Variants in TMEM132B observed in about 807,000 individuals in gnomAD.
TMEM132B encodes transmembrane protein 132B.
TMEM132B carries 18 observed loss-of-function variants against 90.8 expected under a neutral mutation model. That is an observed-to-expected ratio of 0.20 (90% CI 0.14 to 0.29). The LOEUF is 0.29. TMEM132B is among the 10% of genes least tolerant of loss of function. The pLI, the probability that TMEM132B is intolerant of heterozygous loss-of-function variation, is 1.00. For synonymous variants in TMEM132B, 504 were observed against 523.3 expected (o/e 0.96, Z 0.50); for missense variants, 1,096 against 1,326.8 (o/e 0.83, Z 2.70).
chr12:125,463,200 G>GCAAATGGGTTTTCAT (rs1881483926), intron 3 of TMEM132B, among the ~76,000 whole-genome samples: 1 of 152,192 alleles, frequency 6.6e-6, no homozygotes, highest in Non-Finnish European at 1.5e-5. Context: ...TACTTGTGAA[G>GCAAATGGGTTTTCAT]CAAATGGGTT....
At position 125,435,864 on chromosome 12, in the gene TMEM132B, T is replaced by G. The variant is rs543837178; in HGVS notation, c.1106+20187T>G. Reference sequence around the variant, plus strand: ...CAGGAGGAGCTAAATGGAGGGGACCTCTCCTAACCAGGGCAGCAGGGAGGC... The same window carrying G: ...CAGGAGGAGCTAAATGGAGGGGACCGCTCCTAACCAGGGCAGCAGGGAGGC... On this transcript the variant is annotated intron_variant, in intron 3 of 8. Coordinates refer to ENST00000682704, the MANE Select transcript of TMEM132B (RefSeq NM_001366854.1). Among the ~76,000 whole-genome samples the G allele has an allele frequency of 2.6e-5, 4 of 151,210 alleles. No homozygotes were observed. The South Asian group carries it at 6.3e-4, about 24-fold the overall frequency.
chr12:125,334,259 C>T (rs1333166615), intron 1 of TMEM132B, among the ~76,000 whole-genome samples: 2 of 152,214 alleles, frequency 1.3e-5, no homozygotes, highest in Non-Finnish European at 2.9e-5. Context: ...TATTTCATAG[C>T]TCGTGCAAGC....
chr12:125,478,512 A>G (rs975983340), intron 3 of TMEM132B, among the ~76,000 whole-genome samples: 3 of 152,260 alleles, frequency 2.0e-5, no homozygotes, highest in South Asian at 2.1e-4. Flanking sequence ...AAGAAAGGGT[A>G]TCAGTGATTG....
intron 1 of TMEM132B, among the ~76,000 whole-genome samples, chr12:125,216,591 C>T (rs1401060398): frequency 6.6e-6 from 1 of 152,168 alleles, no homozygotes; most frequent in African/African-American, 2.4e-5. Context: ...CTGGCATTGC[C>T]CTTGGAATTA....
rs1404210963 is a variant in TMEM132B, at chr12:125,406,489, A to G, written c.960-9042A>G. 6.6e-6 allele frequency among the ~76,000 whole-genome samples: 1 copy of G among 152,192 alleles called. No individual in the cohort carries two copies. The highest frequency in any genetic ancestry group is 1.5e-5 in the Non-Finnish European group (1 of 68,024). On this transcript the variant is annotated intron_variant, in intron 2 of 8. Coordinates refer to ENST00000682704, the MANE Select transcript of TMEM132B (RefSeq NM_001366854.1). The surrounding 1 kb of genome is among the most constrained non-coding windows in gnomAD (Gnocchi z 8.3). ...ACAGTCTCAGTCTGTGGCCAAAACC[A>G]TCTGAGACTCACTGGTCTGGACTGA...
chr12:125,345,814 C>T lies in TMEM132B; in HGVS notation c.68-3638C>T, dbSNP rs117851696. Among the ~76,000 whole-genome samples the T allele has an allele frequency of 7.7e-3, 1,166 of 152,244 alleles. 6 individuals are homozygous for T. Among genetic ancestry groups the T allele is most frequent in the Non-Finnish European group, 0.013 (884 of 68,002 alleles). ...CCTCGTTCTGTCCAGTGGTAAATAC[C>T]TCTCTAGGAAATCGGCAGACTGAAT... On this transcript the variant is annotated intron_variant, in intron 1 of 8. Transcript: ENST00000682704.
intron 1 of TMEM132B, among the ~76,000 whole-genome samples, chr12:125,305,402 G>A (rs1019331439): frequency 2.0e-5 from 3 of 151,754 alleles, no homozygotes; most frequent in Non-Finnish European, 4.4e-5. Flanking sequence ...GCTTATCAGT[G>A]TAGTGTGAGA....
At chr12:125,541,749 C>T (rs563343580) in intron 4 of TMEM132B, among the ~76,000 whole-genome samples, 29 of 151,314 alleles carry the variant, frequency 1.9e-4, no homozygotes, top group African/African-American at 6.3e-4. Flanking sequence ...AAGAAGTGAA[C>T]GCCTTCACGC....
chr12:125,505,181 A>AACC (rs1555254109), intron 3 of TMEM132B, among the ~76,000 whole-genome samples: 4 of 144,888 alleles, frequency 2.8e-5, no homozygotes, highest in African/African-American at 1.0e-4. Flanking sequence ...AAAAAAAAAA[A>AACC]AAAAAAAAAA....
chr12:125,570,903 G>T (rs146384347), intron 4 of TMEM132B, among the ~76,000 whole-genome samples: 1 of 152,140 alleles, frequency 6.6e-6, no homozygotes, highest in Non-Finnish European at 1.5e-5. Flanking sequence ...GGGGTTGTGG[G>T]CCAGAACCTC....
At chr12:125,364,385 C>T (rs567299700) in intron 2 of TMEM132B, among the ~76,000 whole-genome samples, 13 of 152,068 alleles carry the variant, frequency 8.5e-5, no homozygotes, top group Non-Finnish European at 1.9e-4. Context: ...TAGATTCTAC[C>T]ATTAATATTT....
At position 125,548,420 on chromosome 12, in the gene TMEM132B, T is replaced by C. The variant is rs377140305; in HGVS notation, c.1293+28795T>C. 1.4e-4 allele frequency among the ~76,000 whole-genome samples: 22 copies of C among 152,226 alleles called. No individual in the cohort carries two copies. In the East Asian group the frequency reaches 2.3e-3, roughly 16 times the overall value. ...TTTTTTTTATTAAAAAATGATTGAG[T>C]CTACTAAGTTGATTTCCTGACCCAT... On this transcript the variant is annotated intron_variant, in intron 4 of 8. Transcript: ENST00000682704.
chr12:125,600,992 A>G (rs1464944775), intron 5 of TMEM132B, among the ~76,000 whole-genome samples: 1 of 152,206 alleles, frequency 6.6e-6, no homozygotes, highest in Non-Finnish European at 1.5e-5. Flanking sequence ...CTACAAAGAG[A>G]TTTAGACTCC....
chr12:125,255,102 T>A (rs1266902045), intron 1 of TMEM132B, among the ~76,000 whole-genome samples: 2 of 152,164 alleles, frequency 1.3e-5, no homozygotes, highest in Non-Finnish European at 2.9e-5. Context: ...AGGGTGTTGC[T>A]TTGCATTTCA....
chr12:125,405,705 G>T (rs1266682652), intron 2 of TMEM132B, among the ~76,000 whole-genome samples: 2 of 152,104 alleles, frequency 1.3e-5, no homozygotes. Flanking sequence ...TTAATTGTTT[G>T]GTGCCACAGA....
At chr12:125,386,660 A>G (rs1878844646) in intron 2 of TMEM132B, among the ~76,000 whole-genome samples, 1 of 152,234 alleles carries the variant, frequency 6.6e-6, no homozygotes, top group Non-Finnish European at 1.5e-5. Context: ...GGCATATCCA[A>G]AGAGCCGTGG....
intron 3 of TMEM132B, among the ~76,000 whole-genome samples, chr12:125,464,573 C>G (rs969841160): frequency 4.6e-5 from 7 of 152,194 alleles, no homozygotes; most frequent in Non-Finnish European, 7.3e-5. Flanking sequence ...GCATCTACTG[C>G]AGGGCCTGGC....
intron 5 of TMEM132B, among the ~76,000 whole-genome samples, chr12:125,615,946 C>T (rs1486517892): frequency 6.6e-6 from 1 of 152,008 alleles, no homozygotes; most frequent in Non-Finnish European, 1.5e-5. Flanking sequence ...ATGGTTGACA[C>T]TTTTTTTTAT....
At chr12:125,330,556 T>C in intron 1 of TMEM132B, among the ~76,000 whole-genome samples, 1 of 152,294 alleles carries the variant, frequency 6.6e-6, no homozygotes, top group Non-Finnish European at 1.5e-5. Context: ...AATTTTTTAA[T>C]CTATAAACTA....
Sources: allele counts gnomAD v4.1 joint callset (sites outside exome capture counted in the v4.1 genomes callset), GRCh38; gene constraint gnomAD v4.1.1; non-coding constraint Gnocchi (gnomAD v3.1); transcripts MANE v1.5; gene names NCBI Gene and HGNC (gene_info 2026-07-23, HGNC 2026-07-21).